PARD3B: variants seen among roughly 807,000 people sequenced by gnomAD.
The protein encoded by PARD3B is par-3 family cell polarity regulator beta.
PARD3B carries 103 observed loss-of-function variants against 130.2 expected under a neutral mutation model. The ratio of observed to expected loss-of-function variants is 0.79; its 90% CI spans 0.67 to 0.93. The LOEUF is 0.93. Among genes scored for constraint, PARD3B ranks in the 40% least tolerant of loss-of-function variants. PARD3B has a pLI of 0.00. For missense variants in PARD3B, 1,609 were observed against 1,499.2 expected, an observed-to-expected ratio of 1.07 and a Z score of -1.21; for synonymous variants, 583 against 553.2, an observed-to-expected ratio of 1.05 and a Z score of -0.76.
At chr2:205,479,895 A>ATTTTTTTTTTTTTTTTTTTTTTTTTTT (rs71032475) in intron 20 of PARD3B, among the ~76,000 whole-genome samples, 1 of 127,832 alleles carries the variant, frequency 7.8e-6, no homozygotes, top group Non-Finnish European at 1.6e-5. Context: ...GCCATATGCA[A>ATTTTTTTTTTTTTTTTTTTTTTTTTTT]TTTTTTTTTT....
rs1170213627 is a variant in PARD3B at position 204,568,821 on chromosome 2, G to GGT, written c.120+22708_120+22709dup. On this transcript the variant is annotated intron_variant, in intron 1 of 22. Coordinates refer to ENST00000406610, the MANE Select transcript of PARD3B (RefSeq NM_001302769.2). ...AATACAAAAATTAGCCAGATGTGGT[G>GGT]GTGTGTGCCTTTAATCCCGACTACT... Among the ~76,000 whole-genome samples, 8 of 152,136 alleles carry GGT rather than the reference G, an allele frequency of 5.3e-5. No individual in the cohort carries two copies. In the East Asian group the frequency reaches 1.6e-3, roughly 29 times the overall value.
At chr2:205,223,901 G>A (rs1212340310) in intron 15 of PARD3B, among the ~76,000 whole-genome samples, 1 of 152,038 alleles carries the variant, frequency 6.6e-6, no homozygotes, top group Non-Finnish European at 1.5e-5. Flanking sequence ...ATCACATCAA[G>A]CATTTATCCT....
rs564528009 is a variant in PARD3B, at chr2:205,303,840, C to T, written c.2630+2139C>T. ...AATTCCCTAAGGGGTTTACTTGTAG[C>T]CCCCTCACTTATTTTGTTGGGTGTT... On this transcript the variant is annotated intron_variant, in intron 18 of 22. Transcript: ENST00000406610. Among the ~76,000 whole-genome samples the T allele has an allele frequency of 3.3e-5, 5 of 152,260 alleles. No homozygotes were observed. The East Asian group carries it at 9.7e-4, about 29-fold the overall frequency.
At chr2:204,948,072 G>T (rs1371049988) in intron 2 of PARD3B, among the ~76,000 whole-genome samples, 1 of 152,142 alleles carries the variant, frequency 6.6e-6, no homozygotes, top group East Asian at 1.9e-4. Context: ...CTGTTGTAAG[G>T]TAGGATGACT....
chr2:204,574,602 A>G (rs1004501919), intron 1 of PARD3B, among the ~76,000 whole-genome samples: 8 of 152,228 alleles, frequency 5.3e-5, no homozygotes, highest in Non-Finnish European at 1.2e-4. Context: ...AAGCTCTGCC[A>G]TATACTAGTT....
chr2:204,995,568 C>G (rs1487304226), intron 3 of PARD3B, among the ~76,000 whole-genome samples: 1 of 116,288 alleles, frequency 8.6e-6, no homozygotes, highest in East Asian at 2.5e-4. Context: ...CTTGGAGTTG[C>G]TCTTCTCGAG....
chr2:205,184,970 T>C (rs1219880169), intron 13 of PARD3B, among the ~76,000 whole-genome samples: 2 of 152,108 alleles, frequency 1.3e-5, no homozygotes, highest in African/African-American at 2.4e-5. Context: ...TGTTATATAA[T>C]GCTTTTCATA....
At chr2:204,922,252 A>G (rs1028222288) in intron 2 of PARD3B, among the ~76,000 whole-genome samples, 2 of 152,160 alleles carry the variant, frequency 1.3e-5, no homozygotes, top group African/African-American at 4.8e-5. Flanking sequence ...TAAAGCAAAA[A>G]GAGAAGCAAA....
intron 1 of PARD3B, among the ~76,000 whole-genome samples, chr2:204,572,428 G>A (rs963460702): frequency 6.6e-6 from 1 of 152,054 alleles, no homozygotes; most frequent in African/African-American, 2.4e-5. Flanking sequence ...CTGGAAGGAA[G>A]CAGCCCTCTC....
At chr2:204,875,993 A>G (rs888489045) in intron 2 of PARD3B, among the ~76,000 whole-genome samples, 8 of 152,118 alleles carry the variant, frequency 5.3e-5, no homozygotes, top group Non-Finnish European at 1.2e-4. Context: ...CCACTCCTTC[A>G]CTGGCTTCTC....
chr2:204,803,066 G>A (rs912490057), intron 2 of PARD3B, among the ~76,000 whole-genome samples: 1 of 148,032 alleles, frequency 6.8e-6, no homozygotes, highest in Non-Finnish European at 1.5e-5. Context: ...TTGTGCTCCA[G>A]TACATCTGGC....
chr2:205,431,551 G>A (rs776634773), intron 19 of PARD3B, among the ~76,000 whole-genome samples: 20 of 151,390 alleles, frequency 1.3e-4, no homozygotes, highest in South Asian at 4.2e-4. Flanking sequence ...CTCACCGCAA[G>A]CTCTGCCTCC....
intron 2 of PARD3B, among the ~76,000 whole-genome samples, chr2:204,802,859 G>A (rs962679157): frequency 2.0e-5 from 3 of 152,058 alleles, no homozygotes; most frequent in Non-Finnish European, 4.4e-5. Flanking sequence ...GCATAGGGGA[G>A]GGATAGCATT....
intron 15 of PARD3B, among the ~76,000 whole-genome samples, chr2:205,220,531 A>G (rs2038183529): frequency 6.6e-6 from 1 of 152,194 alleles, no homozygotes; most frequent in Non-Finnish European, 1.5e-5. Context: ...TTGAGTGCCT[A>G]CTACATTTCA....
At position 205,404,977 on chromosome 2, in the gene PARD3B, T is replaced by G. The variant is rs139005270; in HGVS notation, c.2741+3854T>G. 3.9e-3 allele frequency among the ~76,000 whole-genome samples: 598 copies of G among 152,370 alleles called. 6 individuals are homozygous for G. Among genetic ancestry groups the G allele is most frequent in the African/African-American group, 0.013 (550 of 41,588 alleles). The stretch of plus-strand genomic sequence containing the variant: ...ACCTCAATTCTAAATTTTAGGATTT[T>G]ATATTCTCTCTCCCCATTCATCTAA... On this transcript the variant is annotated intron_variant, in intron 19 of 22. Coordinates refer to ENST00000406610, the MANE Select transcript of PARD3B (RefSeq NM_001302769.2).
chr2:205,279,090 A>AAAAG (rs2041086734), intron 16 of PARD3B, among the ~76,000 whole-genome samples: 1 of 149,082 alleles, frequency 6.7e-6, no homozygotes, highest in South Asian at 2.1e-4. Context: ...AAAAAAAAAA[A>AAAAG]AAAAAACAGT....
At chr2:205,599,731 G>C (rs1337507648) in intron 22 of PARD3B, among the ~76,000 whole-genome samples, 1 of 152,172 alleles carries the variant, frequency 6.6e-6, no homozygotes, top group Non-Finnish European at 1.5e-5. Flanking sequence ...CTGCATTCAG[G>C]TTCCAGTCAC....
At chr2:205,333,174 A>G (rs533433199) in intron 18 of PARD3B, among the ~76,000 whole-genome samples, 2 of 152,234 alleles carry the variant, frequency 1.3e-5, no homozygotes, top group South Asian at 4.2e-4. Context: ...GTGAGAGGGG[A>G]ATGAGAAAAG....
Position 205,378,362 on chromosome 2 carries a change from T to C in PARD3B, c.2631-22651T>C, listed in dbSNP as rs146183835. Among the ~76,000 whole-genome samples the C allele has an allele frequency of 4.5e-4, 69 of 152,274 alleles. No homozygotes were observed. In the East Asian group the frequency reaches 0.011, roughly 25 times the overall value. Reference sequence around the variant, plus strand: ...GATTCGAGGCCATTGGAGGCCTGGGTACTGGATACCTGTTGTCAGCCACCT... The same window carrying C: ...GATTCGAGGCCATTGGAGGCCTGGGCACTGGATACCTGTTGTCAGCCACCT... On this transcript the variant is annotated intron_variant, in intron 18 of 22. Transcript: ENST00000406610.
Sources: gnomAD v4.1 joint callset for allele counts (sites outside exome capture counted in the v4.1 genomes callset) on GRCh38, gnomAD v4.1.1 for gene constraint, MANE v1.5 for transcripts, NCBI Gene and HGNC (gene_info 2026-07-23, HGNC 2026-07-21) for gene names.